The following SUCO variants were observed in gnomAD, a reference collection of about 807,000 sequenced individuals.
SUCO encodes the protein SUN domain containing ossification factor.
In SUCO, 57 loss-of-function variants were observed where a neutral mutation model predicts 148.1. The ratio of observed to expected loss-of-function variants is 0.38; its 90% CI spans 0.31 to 0.48. The LOEUF (loss-of-function observed/expected upper bound fraction) is 0.48. Among genes scored for constraint, SUCO ranks in the 20% least tolerant of loss-of-function variants. SUCO has a pLI of 0.96. For synonymous variants in SUCO, 470 were observed against 502.7 expected (o/e 0.93, Z 0.87); for missense variants, 1,331 against 1,468.2 (o/e 0.91, Z 1.53).
In SUCO at chr1:172,586,936, T is replaced by G. The variant is rs1407986281; in HGVS notation, c.1658+988T>G. Among the ~76,000 whole-genome samples, 9 of 152,092 alleles carry G rather than the reference T, an allele frequency of 5.9e-5. No homozygotes were observed. The East Asian group carries it at 1.7e-3, about 29-fold the overall frequency. Reference sequence around the variant, plus strand: ...TCTGAAAAGGACCTAAGAAATCTATTGGGGATAGAGACATTCTTGGTGTTT... The same window carrying G: ...TCTGAAAAGGACCTAAGAAATCTATGGGGGATAGAGACATTCTTGGTGTTT... On this transcript the variant is annotated intron_variant, in intron 17 of 23. Coordinates refer to ENST00000263688, the MANE Select transcript of SUCO (RefSeq NM_014283.5).
intron 1 of SUCO, chr1:172,542,756 A>G: frequency 1.0e-6 from 1 of 985,454 alleles, no homozygotes; most frequent in South Asian, 4.7e-5. Context: ...AGAACATTGG[A>G]CTTTTGAAAC....
chr1:172,577,431 ACT>A (rs1655529279), intron 11 of SUCO, 106 bp from the exon 12 acceptor site: 2 of 1,031,232 alleles, frequency 1.9e-6, no homozygotes, highest in Non-Finnish European at 2.8e-6. Flanking sequence ...ACATGACATT[ACT>A]CTCTATACTT....
At chr1:172,556,406 G>A (rs981112962) in intron 4 of SUCO, among the ~76,000 whole-genome samples, 3 of 152,072 alleles carry the variant, frequency 2.0e-5, no homozygotes, top group Non-Finnish European at 2.9e-5. Flanking sequence ...TCATTTTTAT[G>A]TCTTCGTGTG....
At chr1:172,571,269 C>G (rs974240941) in intron 9 of SUCO, among the ~76,000 whole-genome samples, 4 of 152,214 alleles carry the variant, frequency 2.6e-5, no homozygotes, top group African/African-American at 7.2e-5. Context: ...CTGTGTTGGC[C>G]GGGCTGGTCT....
intron 19 of SUCO, among the ~76,000 whole-genome samples, chr1:172,594,003 G>T (rs1656881137): frequency 1.3e-5 from 2 of 152,238 alleles, no homozygotes; most frequent in South Asian, 4.1e-4. Flanking sequence ...TTTAGTCTTG[G>T]GAGGGTGTAT....
Position 172,573,900 on chromosome 1 carries a change from T to G in SUCO, c.1059T>G (p.Ile353Met). 1 of 1,573,874 alleles carries G rather than the reference T, an allele frequency of 6.4e-7. No individual in the cohort carries two copies. Among genetic ancestry groups the G allele is most frequent in the Non-Finnish European group, 8.7e-7 (1 of 1,147,626 alleles). The change falls in exon 10 of 24, where the codon ATT becomes ATG. Residue 353 changes from isoleucine to methionine, a missense_variant. By Grantham distance (10) the Ile-to-Met change is conservative (BLOSUM62 1). Around this residue, in one of 3 missense-constraint regions of SUCO, gnomAD observed 992 missense variants for 1,093.5 expected, o/e 0.91. Transcript: ENST00000263688. Reference sequence around the variant, plus strand: ...TTTGTTCTTTTTGAAGGTTTGTTATTGAACTTTGTGAACCAATTCAAGTAA... The same window carrying G: ...TTTGTTCTTTTTGAAGGTTTGTTATGGAACTTTGTGAACCAATTCAAGTAA... ...NPCSTKIWFVIELCEPIQVKQ... is the reference protein window; with the variant it reads ...NPCSTKIWFVMELCEPIQVKQ...
intron 1 of SUCO, among the ~76,000 whole-genome samples, chr1:172,548,296 G>A (rs1430661376): frequency 6.6e-6 from 1 of 151,292 alleles, no homozygotes; most frequent in Non-Finnish European, 1.5e-5. Context: ...ATTCCATATT[G>A]TGTTAATTCC....
intron 1 of SUCO, among the ~76,000 whole-genome samples, chr1:172,551,279 G>A (rs914225382): frequency 2.0e-5 from 3 of 151,994 alleles, no homozygotes; most frequent in African/African-American, 7.2e-5. Context: ...CTTTCCTGTT[G>A]TACCTTCATG....
At chr1:172,545,302 C>A (rs1652773915) in intron 1 of SUCO, among the ~76,000 whole-genome samples, 1 of 152,064 alleles carries the variant, frequency 6.6e-6, no homozygotes, top group African/African-American at 2.4e-5. Flanking sequence ...AGGAATGGAC[C>A]AGTTAGGAAA....
intron 20 of SUCO, among the ~76,000 whole-genome samples, chr1:172,600,724 GTGTGTGTA>G (rs141674959): frequency 7.7e-6 from 1 of 129,914 alleles, no homozygotes; most frequent in Non-Finnish European, 1.7e-5. Context: ...GTGTGTGTGT[GTGTGTGTA>G]GGGTGGTAGC....
chr1:172,570,761 T>C (rs1654898908), intron 9 of SUCO, 31 bp downstream of exon 9: 2 of 1,269,028 alleles, frequency 1.6e-6, no homozygotes, highest in Non-Finnish European at 2.3e-6. Context: ...AAAAGTACAT[T>C]CTACATATAT....
At chr1:172,568,001 A>T (rs933044674) in intron 6 of SUCO, among the ~76,000 whole-genome samples, 5 of 152,208 alleles carry the variant, frequency 3.3e-5, no homozygotes, top group African/African-American at 1.2e-4. Flanking sequence ...GCCTCCTGTC[A>T]TATCAGTGGT....
At chr1:172,551,303 C>G (rs1653276948) in intron 1 of SUCO, among the ~76,000 whole-genome samples, 1 of 152,030 alleles carries the variant, frequency 6.6e-6, no homozygotes, top group South Asian at 2.1e-4. Context: ...TTCATAATGT[C>G]TTACTTGGAA....
chr1:172,572,696 T>TTAAAAA (rs766025462), intron 9 of SUCO, among the ~76,000 whole-genome samples: 4 of 49,588 alleles, frequency 8.1e-5, no homozygotes, highest in Admixed American at 3.1e-4. Context: ...GAATGATCAA[T>TTAAAAA]AAAAAAAAAA....
In SUCO at chr1:172,602,643, A is replaced by G. The variant is rs990281889; in HGVS notation, c.3174-53A>G. On this transcript the variant is annotated intron_variant, in intron 21 of 23. Transcript: ENST00000263688. ...CTGTGTAGCCTCAACAAAAGAGTAA[A>G]TTATATGTGCTTTACTCGTTGTAAC... 7 of 1,594,992 alleles carry G rather than the reference A, an allele frequency of 4.4e-6. No homozygotes were observed. In the African/African-American group the frequency reaches 8.1e-5, roughly 18 times the overall value.
chr1:172,555,109 G>A (rs1571202196), intron 3 of SUCO, among the ~76,000 whole-genome samples: 1 of 152,114 alleles, frequency 6.6e-6, no homozygotes, highest in Admixed American at 6.5e-5. Flanking sequence ...CTGTGCGCTA[G>A]ATACTGTGCT....
intron 19 of SUCO, among the ~76,000 whole-genome samples, chr1:172,595,076 G>T (rs969813157): frequency 3.9e-5 from 6 of 152,146 alleles, no homozygotes; most frequent in Non-Finnish European, 8.8e-5. Flanking sequence ...TTGGTTTAAA[G>T]TCTGTTTTAT....
In SUCO at chr1:172,588,790, C is replaced by T; in HGVS notation, c.1689C>T (p.Asp563=). The change falls in exon 18 of 24, where the codon GAC becomes GAT. Residue 563 remains aspartate, a synonymous_variant. Transcript: ENST00000263688. The part of the protein sequence containing the change: ...EYVTTEVHTH[D]MEPSTPDTPK... ...TAACCACTGAAGTACACACACATGA[C>T]ATGGAGCCGTCAACACCAGATACTC... 1 of 1,559,568 alleles carries T rather than the reference C, an allele frequency of 6.4e-7. No homozygotes were observed. The highest frequency in any genetic ancestry group is 8.7e-7 in the Non-Finnish European group (1 of 1,155,058).
chr1:172,581,935 G>A (rs895423300), intron 15 of SUCO, among the ~76,000 whole-genome samples: 2 of 152,164 alleles, frequency 1.3e-5, no homozygotes, highest in African/African-American at 4.8e-5. Context: ...GGGAGAAGCT[G>A]TTATCTTAGA....
Sources: gnomAD v4.1 joint callset for allele counts (sites outside exome capture counted in the v4.1 genomes callset) on GRCh38, gnomAD v4.1.1 for gene constraint, gnomAD v4.1.1 regional missense constraint, MANE v1.5 for transcripts, NCBI Gene and HGNC (gene_info 2026-07-23, HGNC 2026-07-21) for gene names.